Variants in HS2ST1 observed in about 807,000 individuals in gnomAD.
HS2ST1 encodes 2-O-sulfotransferase.
HS2ST1 carries 18 observed loss-of-function variants against 42.9 expected under a neutral mutation model. The observed-to-expected ratio is 0.42, with a 90% CI of 0.29 to 0.62. HS2ST1 has a LOEUF of 0.62. HS2ST1 is among the 20% of genes least tolerant of loss of function. HS2ST1 has a pLI of 0.21. For synonymous variants in HS2ST1, 146 were observed against 152.9 expected (o/e 0.95, Z 0.33); for missense variants, 334 against 433.8 (o/e 0.77, Z 2.04).
chr1:86,936,966 A>G (rs1209719924), intron 1 of HS2ST1, among the ~76,000 whole-genome samples: 4 of 150,632 alleles, frequency 2.7e-5, no homozygotes, highest in African/African-American at 9.8e-5. Context: ...TTAGCCGGGC[A>G]TGGTGTTGCA....
chr1:87,103,881 C>T (rs1195333610), intron 6 of HS2ST1, among the ~76,000 whole-genome samples: 1 of 152,124 alleles, frequency 6.6e-6, no homozygotes. Flanking sequence ...ATAAGTCCTG[C>T]CTACTACCAT....
intron 1 of HS2ST1, among the ~76,000 whole-genome samples, chr1:87,014,192 G>A (rs941790436): frequency 6.6e-6 from 1 of 152,116 alleles, no homozygotes; most frequent in African/African-American, 2.4e-5. Context: ...AGACATACCC[G>A]AGACTGGTCA....
At chr1:87,011,625 C>T (rs1649600153) in intron 1 of HS2ST1, among the ~76,000 whole-genome samples, 2 of 152,132 alleles carry the variant, frequency 1.3e-5, no homozygotes, top group African/African-American at 4.8e-5. Context: ...ATTAACTCAT[C>T]AATAATAGAA....
intron 1 of HS2ST1, among the ~76,000 whole-genome samples, chr1:87,012,649 C>T (rs912040493): frequency 1.3e-5 from 2 of 152,160 alleles, no homozygotes; most frequent in Non-Finnish European, 2.9e-5. Context: ...ATGAATCATG[C>T]CTTCCCAAAG....
intron 1 of HS2ST1, among the ~76,000 whole-genome samples, chr1:86,928,269 TAGGC>T (rs1442763165): frequency 6.6e-6 from 1 of 152,026 alleles, no homozygotes; most frequent in Non-Finnish European, 1.5e-5. Context: ...ATTTTAAATA[TAGGC>T]AGGAATATTA....
intron 1 of HS2ST1, among the ~76,000 whole-genome samples, chr1:86,926,031 G>A (rs965895732): frequency 6.6e-6 from 1 of 152,158 alleles, no homozygotes; most frequent in Admixed American, 6.5e-5. Context: ...GTTATCCAGA[G>A]ACAGTTTTGT....
chr1:87,093,852 TTTTG>T (rs1207123341), intron 4 of HS2ST1, among the ~76,000 whole-genome samples: 2 of 148,930 alleles, frequency 1.3e-5, no homozygotes, highest in Non-Finnish European at 2.9e-5. Context: ...GGCAGTGGTT[TTTTG>T]TTTTGTTTTC....
At chr1:87,073,667 A>G (rs947112362) in intron 2 of HS2ST1, among the ~76,000 whole-genome samples, 1 of 152,148 alleles carries the variant, frequency 6.6e-6, no homozygotes, top group Non-Finnish European at 1.5e-5. Flanking sequence ...TTACCTTTTA[A>G]ATTCTCACGA....
intron 3 of HS2ST1, among the ~76,000 whole-genome samples, chr1:87,090,511 C>A (rs976709128): frequency 2.0e-5 from 3 of 151,974 alleles, no homozygotes; most frequent in African/African-American, 7.2e-5. Flanking sequence ...TGCTTGATAG[C>A]TCTTAGGTGC....
At chr1:87,029,800 TGAG>T (rs1650183740) in intron 1 of HS2ST1, among the ~76,000 whole-genome samples, 1 of 152,120 alleles carries the variant, frequency 6.6e-6, no homozygotes. Context: ...TTTATCCAGA[TGAG>T]GAAGTCAAAG....
chr1:86,930,949 G>A (rs1660528848), intron 1 of HS2ST1, among the ~76,000 whole-genome samples: 1 of 151,922 alleles, frequency 6.6e-6, no homozygotes, highest in Non-Finnish European at 1.5e-5. Context: ...TGTTGTGTGA[G>A]TACTTTTTGA....
intron 1 of HS2ST1, among the ~76,000 whole-genome samples, chr1:87,061,258 A>G (rs1258874145): frequency 6.6e-6 from 1 of 152,262 alleles, no homozygotes; most frequent in African/African-American, 2.4e-5. Context: ...TTTGAAGTGA[A>G]ACAAACATAA....
rs998980269 is a variant in HS2ST1 at position 87,045,202 on chromosome 1, G to C, written c.125-27732G>C. The C allele has an allele frequency of 3.2e-6, 3 of 937,146 alleles. No individual in the cohort carries two copies. In the Admixed American group the frequency reaches 5.1e-5, roughly 16 times the overall value. 58.1% of individuals were successfully genotyped at this position (937,146 alleles called of 1,614,324 possible). ...GCTTGTTTTGGCCCCACTTTTTCTG[G>C]GGCATCACCAACACTTCAAATTCAA... On this transcript the variant is annotated intron_variant, in intron 1 of 6. Transcript: ENST00000370550.
At chr1:87,012,376 G>A (rs1649625981) in intron 1 of HS2ST1, among the ~76,000 whole-genome samples, 1 of 152,148 alleles carries the variant, frequency 6.6e-6, no homozygotes, top group Non-Finnish European at 1.5e-5. Context: ...GCAAGCAAGA[G>A]AGCTTGTGCA....
intron 1 of HS2ST1, among the ~76,000 whole-genome samples, chr1:87,007,874 G>C (rs938582538): frequency 1.3e-5 from 2 of 151,946 alleles, no homozygotes; most frequent in African/African-American, 2.4e-5. Flanking sequence ...TTTTAAATCT[G>C]TCAACAGTCT....
chr1:87,033,823 C>T (rs772412720), intron 1 of HS2ST1, among the ~76,000 whole-genome samples: 26 of 152,166 alleles, frequency 1.7e-4, no homozygotes, highest in Non-Finnish European at 3.1e-4. Context: ...GGATTACAGG[C>T]GTGAGCCACC....
At chr1:87,040,281 GC>G (rs1557524519) in intron 1 of HS2ST1, among the ~76,000 whole-genome samples, 1 of 151,988 alleles carries the variant, frequency 6.6e-6, no homozygotes, top group East Asian at 1.9e-4. Context: ...CCCCCTCCCC[GC>G]TCCCTGAACA....
intron 1 of HS2ST1, among the ~76,000 whole-genome samples, chr1:87,009,938 G>C (rs1222228187): frequency 6.6e-6 from 1 of 152,078 alleles, no homozygotes; most frequent in Non-Finnish European, 1.5e-5. Context: ...GGGAGGCTGA[G>C]GCAGGAGAAT....
intron 3 of HS2ST1, among the ~76,000 whole-genome samples, chr1:87,086,561 C>T (rs2154042): frequency 0.027 from 4,125 of 151,920 alleles, 197 homozygotes; most frequent in African/African-American, 0.094. Context: ...GACATTAAAA[C>T]GAATGTAAGC....
Sources: allele counts gnomAD v4.1 joint callset (sites outside exome capture counted in the v4.1 genomes callset), GRCh38; gene constraint gnomAD v4.1.1; transcripts MANE v1.5; gene names NCBI Gene and HGNC (gene_info 2026-07-23, HGNC 2026-07-21).